Variants in PATJ observed in about 807,000 individuals in gnomAD.
The protein encoded by PATJ is inaD-like protein.
A neutral mutation model predicts 224.9 loss-of-function variants in PATJ; 190 were observed. The ratio of observed to expected loss-of-function variants is 0.84; its 90% CI spans 0.75 to 0.95. PATJ has a LOEUF of 0.95. PATJ is among the 40% of genes least tolerant of loss of function. PATJ has a pLI of 0.00. For missense variants in PATJ, 2,121 were observed against 2,270.3 expected (o/e 0.93, Z 1.34); for synonymous variants, 769 against 820.3 (o/e 0.94, Z 1.07).
In PATJ at chr1:62,067,430, A is replaced by G. The variant is rs1407526794; in HGVS notation, c.4126-12020A>G. On this transcript the variant is annotated intron_variant, in intron 31 of 43. Coordinates refer to ENST00000642238, the MANE Select transcript of PATJ (RefSeq NM_001350145.3). ...ATATGAGCCACCACGCCCAGCCCCG[A>G]TAATCCTATTTTTGTGGCCTTTCAT... Among the ~76,000 whole-genome samples, 5 of 152,044 alleles carry G rather than the reference A, an allele frequency of 3.3e-5. No homozygotes were observed. The South Asian group carries it at 1.0e-3, about 32-fold the overall frequency.
In PATJ at chr1:62,148,308, G is replaced by T. The variant is rs752999133; in HGVS notation, c.5296G>T (p.Ala1766Ser). Residue 1766 changes from alanine to serine, a missense_variant, in exon 42 of 44, where the codon GCC (alanine) becomes TCC (serine). By Grantham distance (99) the Ala-to-Ser change is moderately conservative. Transcript: ENST00000642238. ...LQVVADTNIS[A>S]IAAQLENMST... ...GGTTGTAGCAGATACCAATATAAGC[G>T]CCATAGCAGCTCAGCTTGAAAACAT... 1.2e-6 allele frequency: 2 copies of T among 1,613,364 alleles called. No homozygotes were observed. The highest frequency in any genetic ancestry group is 1.7e-6 in the Non-Finnish European group (2 of 1,179,690).
intron 13 of PATJ, among the ~76,000 whole-genome samples, chr1:61,806,942 G>A (rs1386100426): frequency 1.3e-5 from 2 of 151,824 alleles, no homozygotes; most frequent in East Asian, 3.9e-4. Context: ...ACTTGAGGTC[G>A]GGAGTCTGAG....
At chr1:61,800,695 ATAT>A (rs1165184357) in intron 11 of PATJ, among the ~76,000 whole-genome samples, 1 of 152,270 alleles carries the variant, frequency 6.6e-6, no homozygotes, top group East Asian at 1.9e-4. Flanking sequence ...CTCATCATTT[ATAT>A]TAGGTAGTTC....
intron 39 of PATJ, among the ~76,000 whole-genome samples, chr1:62,123,469 C>CTTTT (rs34621846): frequency 1.2e-4 from 8 of 64,560 alleles, no homozygotes; most frequent in Non-Finnish European, 1.3e-4. Flanking sequence ...CTATAAGTTT[C>CTTTT]TTTTTTTTTT....
intron 33 of PATJ, among the ~76,000 whole-genome samples, chr1:62,096,091 CAAAA>C (rs1441959528): frequency 6.6e-6 from 1 of 151,800 alleles, no homozygotes; most frequent in Admixed American, 6.6e-5. Flanking sequence ...AAAATTAAAA[CAAAA>C]AAAGACACTA....
At chr1:62,105,736 C>T (rs184497418) in intron 33 of PATJ, among the ~76,000 whole-genome samples, 19 of 151,944 alleles carry the variant, frequency 1.3e-4, no homozygotes, top group Admixed American at 6.6e-4. Flanking sequence ...TTGGGGGCTG[C>T]CTCTCTAATT....
intron 26 of PATJ, among the ~76,000 whole-genome samples, chr1:61,923,791 ACATGCC>A (rs1674688620): frequency 1.3e-5 from 2 of 151,652 alleles, no homozygotes; most frequent in Non-Finnish European, 2.9e-5. Context: ...CTGTGGTGGC[ACATGCC>A]TATAATTCCA....
rs200158472 is a variant in PATJ, at chr1:62,114,165, A to G, written c.4574A>G (p.Asp1525Gly). 31 of 1,614,030 alleles carry G rather than the reference A, an allele frequency of 1.9e-5. No homozygotes were observed. The highest frequency in any genetic ancestry group is 2.5e-5 in the Non-Finnish European group (29 of 1,179,978). Reference protein sequence around the residue: ...VVYRDEAHYRDEENLEIFPVD... With the variant: ...VVYRDEAHYRGEENLEIFPVD... Reference sequence around the variant, plus strand: ...TATAGAGATGAGGCACACTACCGGGATGAGGAGAACTTGGAGATTTTCCCT... The same window carrying G: ...TATAGAGATGAGGCACACTACCGGGGTGAGGAGAACTTGGAGATTTTCCCT... The change falls in exon 35 of 44, where the codon GAT (aspartate) becomes GGT (glycine). Residue 1525 changes from aspartate (D) to glycine (G), a missense_variant. By Grantham distance (94) the Asp-to-Gly change is moderately conservative. Coordinates refer to ENST00000642238, the MANE Select transcript of PATJ (RefSeq NM_001350145.3).
intron 17 of PATJ, among the ~76,000 whole-genome samples, chr1:61,837,375 T>C (rs993257154): frequency 6.6e-6 from 1 of 152,238 alleles, no homozygotes; most frequent in African/African-American, 2.4e-5. Context: ...TTTAGTGAAG[T>C]CTAAATTTAA....
intron 27 of PATJ, among the ~76,000 whole-genome samples, chr1:61,971,234 T>C (rs1422194650): frequency 6.6e-6 from 1 of 152,166 alleles, no homozygotes; most frequent in Non-Finnish European, 1.5e-5. Context: ...CCCCAAGTCA[T>C]TGTCTCTCTA....
At chr1:61,904,004 C>T (rs140484865) in intron 24 of PATJ, among the ~76,000 whole-genome samples, 261 of 152,176 alleles carry the variant, frequency 1.7e-3, no homozygotes, top group African/African-American at 5.9e-3. Context: ...GAACTCCTAA[C>T]CTCAGGTGAT....
chr1:61,970,694 C>T (rs1325285520), intron 27 of PATJ, among the ~76,000 whole-genome samples: 1 of 152,090 alleles, frequency 6.6e-6, no homozygotes, highest in Non-Finnish European at 1.5e-5. Flanking sequence ...ACCTCTTCAT[C>T]TATTGCCCAG....
intron 1 of PATJ, among the ~76,000 whole-genome samples, chr1:61,744,978 G>A (rs1644951811): frequency 6.6e-6 from 1 of 152,182 alleles, no homozygotes; most frequent in Admixed American, 6.6e-5. Flanking sequence ...GGATACAAGA[G>A]GAAGAGATGC....
intron 23 of PATJ, 89 bp from the exon 24 acceptor site, chr1:61,901,193 A>G (rs767571840): frequency 6.3e-6 from 4 of 637,028 alleles, no homozygotes; most frequent in Non-Finnish European, 9.8e-6. Context: ...ATAAAATATG[A>G]GTCACAAGGA....
At chr1:62,014,151 A>G (rs1278822146) in intron 28 of PATJ, among the ~76,000 whole-genome samples, 1 of 152,120 alleles carries the variant, frequency 6.6e-6, no homozygotes, top group African/African-American at 2.4e-5. Flanking sequence ...TAACTCCTGG[A>G]CTGAAGCGAT....
chr1:61,845,220 C>T (rs564243371), intron 17 of PATJ, among the ~76,000 whole-genome samples: 2 of 152,074 alleles, frequency 1.3e-5, no homozygotes, highest in African/African-American at 4.8e-5. Context: ...GGCTGTAGGT[C>T]CTGTAATCAT....
chr1:62,089,920 G>C (rs1660512402), intron 33 of PATJ, among the ~76,000 whole-genome samples: 1 of 152,112 alleles, frequency 6.6e-6, no homozygotes, highest in Admixed American at 6.5e-5. Context: ...CCTGACTTCT[G>C]GTGACCCTTC....
chr1:62,144,904 A>C (rs1352694762), intron 41 of PATJ, among the ~76,000 whole-genome samples: 2 of 151,418 alleles, frequency 1.3e-5, no homozygotes, highest in East Asian at 3.9e-4. Flanking sequence ...GAGTGCAGTG[A>C]TACGATCTCT....
intron 17 of PATJ, among the ~76,000 whole-genome samples, chr1:61,835,279 C>CT (rs1169915201): frequency 2.0e-5 from 3 of 151,944 alleles, no homozygotes; most frequent in Non-Finnish European, 1.5e-5. Context: ...GGCAGGGACT[C>CT]TTTTTTTTCC....
Sources: gnomAD v4.1 joint callset for allele counts (sites outside exome capture counted in the v4.1 genomes callset) on GRCh38, gnomAD v4.1.1 for gene constraint, MANE v1.5 for transcripts, NCBI Gene and HGNC (gene_info 2026-07-23, HGNC 2026-07-21) for gene names.